Variants in CAST observed in about 807,000 individuals in gnomAD.
The protein encoded by CAST is MIR583 host.
In CAST, 76 loss-of-function variants were observed where a neutral mutation model predicts 119.6. That is an observed-to-expected ratio of 0.64 (90% confidence interval 0.53 to 0.77). The LOEUF (loss-of-function observed/expected upper bound fraction) is 0.77, where lower values mean the gene tolerates loss of function less well. CAST is among the 30% of genes least tolerant of loss of function. The pLI is 0.00. For synonymous variants in CAST, 319 were observed against 331.6 expected (o/e 0.96, Z 0.41); for missense variants, 953 against 946.5 (o/e 1.01, Z -0.09).
chr5:96,061,178 A>T, the CAST span, among the ~76,000 whole-genome samples: 1 of 152,068 alleles, frequency 6.6e-6, no homozygotes, highest in South Asian at 2.1e-4. Flanking sequence ...TAACACCCCT[A>T]AAAAAGAATC....
chr5:96,158,757 A>C, the CAST span, among the ~76,000 whole-genome samples: 4 of 152,212 alleles, frequency 2.6e-5, no homozygotes, highest in Admixed American at 2.0e-4. Flanking sequence ...GCTAAACACA[A>C]GGGGAGATTT....
the CAST span, among the ~76,000 whole-genome samples, chr5:96,258,368 G>T: frequency 1.3e-5 from 2 of 152,086 alleles, no homozygotes; most frequent in Admixed American, 6.5e-5. Flanking sequence ...CATTAATGAG[G>T]TTTCTACCTT....
At position 96,773,817 on chromosome 5, in the gene CAST, GA is replaced by G. The variant is rs1458448912; in HGVS notation, c.*1202del. On this transcript the variant is annotated 3_prime_UTR_variant, in exon 32 of 32. Coordinates refer to ENST00000675179, the MANE Select transcript of CAST (RefSeq NM_001750.7). ...GATGTCAGGTACATAACATAAAACAGATTGGGAATTTATTGTTTCCAAAGGG... is the reference window on the plus strand; with the variant it reads ...GATGTCAGGTACATAACATAAAACAGTTGGGAATTTATTGTTTCCAAAGGG... 3.9e-5 allele frequency: 6 copies of G among 152,274 alleles called. No individual in the cohort carries two copies. The highest frequency in any genetic ancestry group is 7.4e-5 in the Non-Finnish European group (5 of 68,024). The allele number at this position is 152,274 out of a possible 1,614,324, so 9.4% of individuals were successfully genotyped here. A position where few individuals can be genotyped will look rare whatever the true frequency, so the allele number is the denominator to read the frequency against.
At chr5:96,317,476 CAAAAAAAAAAAAAAAA>C in the CAST span, among the ~76,000 whole-genome samples, 1 of 50,602 alleles carries the variant, frequency 2.0e-5, no homozygotes. Flanking sequence ...GACTCCATCT[CAAAAAAAAAAAAAAAA>C]AAAAAAAAAG....
At chr5:96,550,965 G>A (rs889544242) in intron 1 of CAST, among the ~76,000 whole-genome samples, 2 of 152,114 alleles carry the variant, frequency 1.3e-5, no homozygotes, top group South Asian at 2.1e-4. Flanking sequence ...AGTCACGGGG[G>A]GAATGGAACC....
the CAST span, among the ~76,000 whole-genome samples, chr5:96,443,175 A>G: frequency 1.3e-5 from 2 of 152,210 alleles, no homozygotes; most frequent in Non-Finnish European, 2.9e-5. Context: ...TTGCTCATGC[A>G]TACATCTGTA....
intron 2 of CAST, among the ~76,000 whole-genome samples, chr5:96,690,800 T>G (rs144507638): frequency 6.6e-6 from 1 of 152,338 alleles, no homozygotes; most frequent in Non-Finnish European, 1.5e-5. Context: ...ATCTTTTTCT[T>G]GACACTGTTT....
chr5:96,061,536 C>G, the CAST span, among the ~76,000 whole-genome samples: 2 of 152,054 alleles, frequency 1.3e-5, no homozygotes, highest in African/African-American at 4.8e-5. Flanking sequence ...ATGAATTGAT[C>G]TGGGTACAAG....
the CAST span, among the ~76,000 whole-genome samples, chr5:96,380,977 C>T: frequency 3.3e-5 from 5 of 152,112 alleles, no homozygotes; most frequent in Admixed American, 2.0e-4. Context: ...TTTTAAAAAA[C>T]ATCTTGTTGA....
the CAST span, among the ~76,000 whole-genome samples, chr5:96,475,993 T>C: frequency 6.6e-6 from 1 of 152,198 alleles, no homozygotes; most frequent in Non-Finnish European, 1.5e-5. Context: ...TTTCCCTTCA[T>C]ATACCAGGAC....
chr5:96,754,970 C>G (rs531494767), intron 22 of CAST: 1 of 317,598 alleles, frequency 3.1e-6, no homozygotes, highest in African/African-American at 2.2e-5. Context: ...TCTAAGCTAC[C>G]TAATGTTTTC....
At position 96,593,278 on chromosome 5, in the gene CAST, G is replaced by A. The variant is rs549180323; in HGVS notation, c.60+63398G>A. Among the ~76,000 whole-genome samples, 20 of 152,272 alleles carry A rather than the reference G, an allele frequency of 1.3e-4. No homozygotes were observed. In the South Asian group the frequency reaches 1.5e-3, roughly 11 times the overall value. On this transcript the variant is annotated intron_variant, in intron 1 of 11. Transcript: ENST00000505143. ...TTATCCTTGAAGCTTCAGCTCCAGC[G>A]TCACCTCCTGTAGAAAGTCCTTCTC...
At chr5:96,284,205 A>T in the CAST span, among the ~76,000 whole-genome samples, 1 of 152,246 alleles carries the variant, frequency 6.6e-6, no homozygotes, top group Non-Finnish European at 1.5e-5. Flanking sequence ...GGTGTCTCTG[A>T]TGAAGGAGGG....
At chr5:96,013,495 G>A in the CAST span, among the ~76,000 whole-genome samples, 1 of 151,966 alleles carries the variant, frequency 6.6e-6, no homozygotes, top group African/African-American at 2.4e-5. Flanking sequence ...CTCTATTGAT[G>A]GTGCTGGGTT....
chr5:96,584,475 A>G (rs1456844852), intron 1 of CAST: 3 of 152,218 alleles, frequency 2.0e-5, no homozygotes, highest in African/African-American at 7.2e-5. Flanking sequence ...ATTGGGCAGC[A>G]CCTAAACTAG....
the CAST span, among the ~76,000 whole-genome samples, chr5:95,980,750 C>G: frequency 6.6e-6 from 1 of 152,192 alleles, no homozygotes; most frequent in Admixed American, 6.5e-5. Flanking sequence ...TTGCCCAACC[C>G]ATTCCCTGGC....
At chr5:96,187,338 G>C in the CAST span, among the ~76,000 whole-genome samples, 980 of 151,724 alleles carry the variant, frequency 6.5e-3, 11 homozygotes, top group Non-Finnish European at 0.01. Context: ...TCATGTCTCT[G>C]TCTCCTTCAG....
At chr5:96,265,981 C>T in the CAST span, among the ~76,000 whole-genome samples, 1 of 152,090 alleles carries the variant, frequency 6.6e-6, no homozygotes, top group Admixed American at 6.6e-5. Flanking sequence ...TAACCTAATA[C>T]AGTGATTTTC....
intron 1 of CAST, among the ~76,000 whole-genome samples, chr5:96,638,387 C>G (rs1449698027): frequency 2.0e-5 from 3 of 152,136 alleles, no homozygotes; most frequent in African/African-American, 7.2e-5. Context: ...GCCTAGGCAA[C>G]AGAGCGAGAC....
Sources: gnomAD v4.1 joint callset for allele counts (sites outside exome capture counted in the v4.1 genomes callset) on GRCh38, gnomAD v4.1.1 for gene constraint, MANE v1.5 for transcripts, NCBI Gene and HGNC (gene_info 2026-07-23, HGNC 2026-07-21) for gene names.